The following ZNF486 variants were observed in gnomAD, a reference collection of about 807,000 sequenced individuals.
ZNF486 encodes the protein KRAB box only protein 2.
A neutral mutation model predicts 12.8 loss-of-function variants in ZNF486; 12 were observed. That is an observed-to-expected ratio of 0.94 (90% CI 0.60 to 1.52). ZNF486 has a LOEUF of 1.52. ZNF486 is among the 40% of genes most tolerant of loss of function. ZNF486 has a pLI of 0.00. For synonymous variants in ZNF486, 231 were observed against 184.9 expected (o/e 1.25, Z -2.02); for missense variants, 738 against 545.0 (o/e 1.35, Z -3.53).
chr19:20,185,298 T>C (rs2089829890), intron 2 of ZNF486, among the ~76,000 whole-genome samples: 1 of 152,076 alleles, frequency 6.6e-6, no homozygotes, highest in Non-Finnish European at 1.5e-5. Context: ...TTTTATCAGA[T>C]AGTTTAAGTG....
At chr19:20,172,911 G>T (rs1255947621) in intron 1 of ZNF486, among the ~76,000 whole-genome samples, 1 of 152,188 alleles carries the variant, frequency 6.6e-6, no homozygotes, top group Non-Finnish European at 1.5e-5. Flanking sequence ...AAAGTGCTGG[G>T]ATTACAGTCA....
intron 1 of ZNF486, among the ~76,000 whole-genome samples, chr19:20,170,092 G>C (rs1170947448): frequency 4.0e-5 from 6 of 151,016 alleles, no homozygotes; most frequent in Admixed American, 1.3e-4. Context: ...GGGTTTCACC[G>C]TGTTAGCCAG....
At chr19:20,173,241 A>T (rs1196051420) in intron 1 of ZNF486, among the ~76,000 whole-genome samples, 1 of 152,116 alleles carries the variant, frequency 6.6e-6, no homozygotes, top group Non-Finnish European at 1.5e-5. Context: ...ATTTTTGCAT[A>T]TGGTGTAACG....
In ZNF486 at chr19:20,199,304, A is replaced by G. The variant is rs1393685825; in HGVS notation, c.*1202A>G. 1 of 152,216 alleles carries G rather than the reference A, an allele frequency of 6.6e-6. No homozygotes were observed. Among genetic ancestry groups the G allele is most frequent in the Non-Finnish European group, 1.5e-5 (1 of 68,038 alleles). The allele number at this position is 152,216 out of a possible 1,614,324, so 9.4% of individuals were successfully genotyped here. A position where few individuals can be genotyped will look rare whatever the true frequency, so the allele number is the denominator to read the frequency against. On this transcript the variant is annotated 3_prime_UTR_variant, in exon 4 of 4. Transcript: ENST00000335117. ...AGAGGTTTGTAGTACCTTTGCTTGT[A>G]TTACAGATCTTATTGCCCGCGTTTT...
chr19:20,172,680 C>T (rs1333223889), intron 1 of ZNF486, among the ~76,000 whole-genome samples: 1 of 148,608 alleles, frequency 6.7e-6, no homozygotes, highest in Admixed American at 6.7e-5. Flanking sequence ...GATGGAGTCG[C>T]TTAGACTGGA....
At chr19:20,182,435 T>A (rs1555715725) in intron 1 of ZNF486, among the ~76,000 whole-genome samples, 1 of 152,180 alleles carries the variant, frequency 6.6e-6, no homozygotes, top group East Asian at 1.9e-4. Flanking sequence ...ACAGCTTCTG[T>A]TTGTTCTGCA....
rs573764262 is a variant in ZNF486 at position 20,198,908 on chromosome 19, C to T, written c.*806C>T. 1 of 152,376 alleles carries T rather than the reference C, an allele frequency of 6.6e-6. No individual in the cohort carries two copies. The highest frequency in any genetic ancestry group is 1.5e-5 in the Non-Finnish European group (1 of 68,032). The allele number at this position is 152,376 out of a possible 1,614,324, so 9.4% of individuals were successfully genotyped here. A position where few individuals can be genotyped will look rare whatever the true frequency, so the allele number is the denominator to read the frequency against. On this transcript the variant is annotated 3_prime_UTR_variant, in exon 4 of 4. Transcript: ENST00000335117. ...CTGAAAGATGTGACAGTGCTTTTCC[C>T]AACACCTCCAACTTTTCTATGCATA... is the stretch of plus-strand genomic sequence containing the variant.
rs10407956 is a variant in ZNF486, at chr19:20,179,520, G to A, written c.31-4836G>A. Among the ~76,000 whole-genome samples, 299 of 152,010 alleles carry A rather than the reference G, an allele frequency of 2.0e-3. 2 individuals carry two copies. The highest frequency in any genetic ancestry group is 7.0e-3 in the African/African-American group (289 of 41,412). On this transcript the variant is annotated intron_variant, in intron 1 of 3. Transcript: ENST00000335117. ...TAGACTTATTATTTAGAATGTGTTA[G>A]AGCAGCCTCTATGAGAGCTCTCTTT...
At position 20,197,839 on chromosome 19, in the gene ZNF486, C is replaced by G. The variant is rs1233390547; in HGVS notation, c.1129C>G (p.Pro377Ala). 1.9e-6 allele frequency: 3 copies of G among 1,613,670 alleles called. No homozygotes were observed. The highest frequency in any genetic ancestry group is 2.5e-6 in the Non-Finnish European group (3 of 1,179,904). ...MHKIIHTGEK[P>A]YKCEECGKAF... ...TAAGATAATTCATACTGGAGAGAAACCATACAAATGTGAAGAATGTGGCAA... is the reference window on the plus strand; with the variant it reads ...TAAGATAATTCATACTGGAGAGAAAGCATACAAATGTGAAGAATGTGGCAA... Residue 377 changes from proline (P) to alanine (A), a missense_variant, in exon 4 of 4, where the codon CCA (proline) becomes GCA (alanine). Transcript: ENST00000335117.
At chr19:20,174,695 A>G (rs1334914587) in intron 1 of ZNF486, among the ~76,000 whole-genome samples, 1 of 152,228 alleles carries the variant, frequency 6.6e-6, no homozygotes, top group Non-Finnish European at 1.5e-5. Flanking sequence ...ATTTTCTAAA[A>G]TAGTATGAAT....
intron 3 of ZNF486, 127 bp downstream of exon 3, chr19:20,186,209 GTTTTA>G (rs564649543): frequency 1.8e-5 from 9 of 504,528 alleles, no homozygotes; most frequent in Non-Finnish European, 2.9e-5. Context: ...CTGGGCAGCT[GTTTTA>G]TTTATTTATT....
rs782126616 is a variant in ZNF486, at chr19:20,197,389, A to G, written c.679A>G (p.Thr227Ala). ...CTTCAACCGGTCCTCACACCTTACT[A>G]CACATAAGATAACTCATACTAGAGA... is the stretch of plus-strand genomic sequence containing the variant. ...KAFNRSSHLT[T>A]HKITHTREKP... is the part of the protein sequence containing the mutation. Residue 227 changes from threonine (T) to alanine (A), a missense_variant, in exon 4 of 4, where the codon ACA (threonine) becomes GCA (alanine). Thr to Ala is a moderately conservative substitution (Grantham distance 58). Transcript: ENST00000335117. 1.9e-5 allele frequency: 30 copies of G among 1,613,608 alleles called. No homozygotes were observed. The highest frequency in any genetic ancestry group is 2.4e-5 in the Non-Finnish European group (28 of 1,179,762).
intron 3 of ZNF486, among the ~76,000 whole-genome samples, chr19:20,188,944 T>C (rs2089876463): frequency 6.6e-6 from 1 of 152,224 alleles, no homozygotes; most frequent in Admixed American, 6.5e-5. Flanking sequence ...TAATATTCCA[T>C]TGTATGTATA....
intron 1 of ZNF486, among the ~76,000 whole-genome samples, chr19:20,178,314 GC>G (rs1297448560): frequency 6.6e-6 from 1 of 151,946 alleles, no homozygotes; most frequent in Non-Finnish European, 1.5e-5. Context: ...TGCCTTCTCG[GC>G]TCACTGCAAG....
intron 3 of ZNF486, chr19:20,188,586 A>G (rs1382140722): frequency 1.8e-5 from 7 of 397,148 alleles, no homozygotes; most frequent in Non-Finnish European, 3.1e-5. Context: ...TGGGAGATGG[A>G]GGGGGAGTCA....
intron 1 of ZNF486, among the ~76,000 whole-genome samples, chr19:20,168,390 C>G (rs1231340912): frequency 6.6e-6 from 1 of 152,070 alleles, no homozygotes; most frequent in East Asian, 1.9e-4. Flanking sequence ...CGCAGTGGCT[C>G]ACGCCTGTAA....
At chr19:20,177,588 G>A (rs1303561845) in intron 1 of ZNF486, among the ~76,000 whole-genome samples, 1 of 152,156 alleles carries the variant, frequency 6.6e-6, no homozygotes, top group African/African-American at 2.4e-5. Context: ...AAAAACGTTT[G>A]TTTTTTGAGA....
chr19:20,169,325 T>C (rs1281323457), intron 1 of ZNF486, among the ~76,000 whole-genome samples: 2 of 152,060 alleles, frequency 1.3e-5, no homozygotes, highest in Non-Finnish European at 2.9e-5. Flanking sequence ...GTCAGGCTGG[T>C]CTCTAACTCC....
In ZNF486 at chr19:20,186,784, G is replaced by GTTTTTTTTTTTTT. The variant is rs57907168; in HGVS notation, c.253+707_253+719dup. Among the ~76,000 whole-genome samples, 194 of 122,416 alleles carry GTTTTTTTTTTTTT rather than the reference G, an allele frequency of 1.6e-3. 9 individuals are homozygous for GTTTTTTTTTTTTT. Among genetic ancestry groups the GTTTTTTTTTTTTT allele is most frequent in the African/African-American group, 4.4e-3 (136 of 30,668 alleles). The allele number at this position is 122,416 out of a possible 152,430, so 80.3% of individuals were successfully genotyped here. On this transcript the variant is annotated intron_variant, in intron 3 of 3. Transcript: ENST00000335117. The stretch of plus-strand genomic sequence containing the variant: ...TGGATCTTCTCTAATATTTTCATAG[G>GTTTTTTTTTTTTT]TTTTTTTTTTTTTTTTTGAGAAGGA...
Sources: gnomAD v4.1 joint callset for allele counts (sites outside exome capture counted in the v4.1 genomes callset) on GRCh38, gnomAD v4.1.1 for gene constraint, MANE v1.5 for transcripts, NCBI Gene and HGNC (gene_info 2026-07-23, HGNC 2026-07-21) for gene names.